DPH6: variants seen among roughly 807,000 people sequenced by gnomAD.
DPH6 encodes diphthine--ammonia ligase.
DPH6 carries 33 observed loss-of-function variants against 38.2 expected under a neutral mutation model. That is an observed-to-expected ratio of 0.86 (90% CI 0.65 to 1.15). The LOEUF is 1.15. DPH6 is among the 50% of genes most tolerant of loss of function. The pLI is 0.00. For missense variants in DPH6, 325 were observed against 320.0 expected, an observed-to-expected ratio of 1.02 and a Z score of -0.12; for synonymous variants, 108 against 103.0, an observed-to-expected ratio of 1.05 and a Z score of -0.30.
intron 3 of DPH6, among the ~76,000 whole-genome samples, chr15:35,537,853 T>G (rs2055193515): frequency 6.6e-6 from 1 of 152,100 alleles, no homozygotes; most frequent in Non-Finnish European, 1.5e-5. Flanking sequence ...GTCTGTCCTC[T>G]TCCACTAGAA....
chr15:35,158,166 G>T, the DPH6 span, among the ~76,000 whole-genome samples: 1 of 152,004 alleles, frequency 6.6e-6, no homozygotes, highest in African/African-American at 2.4e-5. Context: ...TTTATTGTAT[G>T]CCCCTATTTT....
chr15:35,247,714 T>C (rs952986951), intron 3 of DPH6, among the ~76,000 whole-genome samples: 4 of 152,248 alleles, frequency 2.6e-5, no homozygotes, highest in African/African-American at 7.2e-5. Context: ...TATAAATCTT[T>C]ATTGTATCTC....
intron 3 of DPH6, among the ~76,000 whole-genome samples, chr15:35,492,206 T>C (rs938846317): frequency 6.6e-6 from 1 of 152,118 alleles, no homozygotes; most frequent in South Asian, 2.1e-4. Context: ...ATTTTTGTTC[T>C]ATTAAGGCCT....
chr15:35,237,774 G>T, intron 3 of DPH6: 1 of 1,608,394 alleles, frequency 6.2e-7, no homozygotes, highest in East Asian at 2.2e-5. Flanking sequence ...GGCTATGACC[G>T]GGACGACAAG....
the DPH6 span, among the ~76,000 whole-genome samples, chr15:35,172,452 A>T: frequency 0.072 from 10,998 of 152,262 alleles, 573 homozygotes; most frequent in East Asian, 0.3. Context: ...GGGATGCTCA[A>T]TCTGTATGTT....
chr15:35,433,479 T>C (rs78679427), intron 5 of DPH6, among the ~76,000 whole-genome samples: 6 of 152,160 alleles, frequency 3.9e-5, no homozygotes, highest in African/African-American at 1.4e-4. Flanking sequence ...AAAAATCCCG[T>C]TGAGTCTCTC....
At chr15:35,257,075 A>C (rs1394570170) in intron 3 of DPH6, among the ~76,000 whole-genome samples, 1 of 152,220 alleles carries the variant, frequency 6.6e-6, no homozygotes, top group Non-Finnish European at 1.5e-5. Context: ...TGGCATCATT[A>C]GCATAAAATA....
intron 3 of DPH6, among the ~76,000 whole-genome samples, chr15:35,340,204 G>C (rs966837922): frequency 6.6e-6 from 1 of 152,078 alleles, no homozygotes; most frequent in African/African-American, 2.4e-5. Flanking sequence ...TGCAACCCCT[G>C]AGTTTTTTGG....
chr15:35,464,627 C>T (rs2054106291), intron 3 of DPH6, among the ~76,000 whole-genome samples: 1 of 152,290 alleles, frequency 6.6e-6, no homozygotes, highest in African/African-American at 2.4e-5. Context: ...TCCTCACAAT[C>T]CTAACTGTTG....
chr15:35,524,072 T>C (rs969562101), intron 3 of DPH6, among the ~76,000 whole-genome samples: 8 of 151,736 alleles, frequency 5.3e-5, no homozygotes, highest in African/African-American at 9.7e-5. Flanking sequence ...AACTGTGTTA[T>C]AAACCACTTT....
At chr15:35,381,111 A>T (rs769532278) in intron 7 of DPH6, among the ~76,000 whole-genome samples, 1 of 152,192 alleles carries the variant, frequency 6.6e-6, no homozygotes, top group Non-Finnish European at 1.5e-5. Context: ...TAGTGTTAGA[A>T]ATACTGAAGC....
At chr15:35,448,903 CTATTA>C (rs1322926835) in intron 5 of DPH6, among the ~76,000 whole-genome samples, 2 of 150,522 alleles carry the variant, frequency 1.3e-5, no homozygotes, top group East Asian at 3.9e-4. Context: ...TGACCTTTTT[CTATTA>C]TAAGACCATT....
At chr15:35,468,223 C>T (rs1435452231) in intron 3 of DPH6, among the ~76,000 whole-genome samples, 1 of 152,288 alleles carries the variant, frequency 6.6e-6, no homozygotes, top group South Asian at 2.1e-4. Flanking sequence ...TGGTAACGAT[C>T]CTTCAAGAGA....
intron 5 of DPH6, among the ~76,000 whole-genome samples, chr15:35,411,281 T>G (rs1487532806): frequency 6.6e-6 from 1 of 151,776 alleles, no homozygotes; most frequent in African/African-American, 2.4e-5. Flanking sequence ...GCATTAATTT[T>G]CTGATTTATC....
chr15:35,491,273 T>G (rs997722892), intron 3 of DPH6, among the ~76,000 whole-genome samples: 1 of 151,956 alleles, frequency 6.6e-6, no homozygotes, highest in Non-Finnish European at 1.5e-5. Flanking sequence ...AATGAACGCC[T>G]ACATAAAGTA....
intron 3 of DPH6, among the ~76,000 whole-genome samples, chr15:35,238,895 G>T: frequency 1.4e-5 from 2 of 145,424 alleles, no homozygotes; most frequent in Admixed American, 1.4e-4. Context: ...AACCCTCTTT[G>T]ACTGTAATTT....
intron 3 of DPH6, among the ~76,000 whole-genome samples, chr15:35,480,724 A>C (rs2141148101): frequency 6.6e-6 from 1 of 152,016 alleles, no homozygotes; most frequent in East Asian, 1.9e-4. Flanking sequence ...TTGGATATAT[A>C]GTCTTTAAAA....
At chr15:35,520,642 T>C (rs1595439165) in intron 3 of DPH6, 1 of 984,954 alleles carries the variant, frequency 1.0e-6, no homozygotes, top group Non-Finnish European at 1.2e-6. Flanking sequence ...AAAAGGGAGT[T>C]AAATTATCTC....
intron 3 of DPH6, among the ~76,000 whole-genome samples, chr15:35,312,264 A>G (rs2052149701): frequency 1.3e-5 from 2 of 152,202 alleles, no homozygotes; most frequent in African/African-American, 4.8e-5. Flanking sequence ...GATTTGTACA[A>G]TTATTGAATT....
Sources: gnomAD v4.1 joint callset for allele counts (sites outside exome capture counted in the v4.1 genomes callset) on GRCh38, gnomAD v4.1.1 for gene constraint, MANE v1.5 for transcripts, NCBI Gene and HGNC (gene_info 2026-07-23, HGNC 2026-07-21) for gene names.